Variants in SV2C observed in about 807,000 individuals in gnomAD.
SV2C encodes solute carrier family 22 member B3.
In SV2C, 49 loss-of-function variants were observed where a neutral mutation model predicts 79.7. The observed-to-expected ratio is 0.61, with a 90% CI of 0.49 to 0.78. SV2C has a LOEUF of 0.78. SV2C is among the 30% of genes least tolerant of loss of function. The pLI, the probability that SV2C is intolerant of heterozygous loss-of-function variation, is 0.00. For missense variants in SV2C, 833 were observed against 912.9 expected (o/e 0.91, Z 1.13); for synonymous variants, 334 against 333.2 (o/e 1.00, Z -0.03).
chr5:76,192,113 A>T (rs1033544109), intron 2 of SV2C, among the ~76,000 whole-genome samples: 5 of 152,152 alleles, frequency 3.3e-5, no homozygotes, highest in South Asian at 2.1e-4. Flanking sequence ...ACATGTATTT[A>T]AAAAAATACA....
chr5:75,885,835 C>A, the SV2C span, among the ~76,000 whole-genome samples: 1 of 152,080 alleles, frequency 6.6e-6, no homozygotes, highest in African/African-American at 2.4e-5. Flanking sequence ...TAAGCAGACT[C>A]CAAGAAGGAG....
At chr5:75,863,190 C>T in the SV2C span, among the ~76,000 whole-genome samples, 1 of 152,160 alleles carries the variant, frequency 6.6e-6, no homozygotes, top group Admixed American at 6.5e-5. Flanking sequence ...TTCATGCTAC[C>T]AAGGTGATGT....
intron 4 of SV2C, among the ~76,000 whole-genome samples, chr5:76,283,461 GC>G (rs558995098): frequency 1.4e-3 from 212 of 152,222 alleles, no homozygotes; most frequent in African/African-American, 4.8e-3. Flanking sequence ...GCCACCTAAA[GC>G]TTTTATTTTT....
intron 1 of SV2C, among the ~76,000 whole-genome samples, chr5:76,119,809 T>C (rs950298018): frequency 2.0e-5 from 3 of 152,202 alleles, no homozygotes; most frequent in African/African-American, 7.2e-5. Context: ...ATTGAAGAGC[T>C]GTTCTGAATT....
chr5:75,877,498 T>C, the SV2C span, among the ~76,000 whole-genome samples: 1 of 151,912 alleles, frequency 6.6e-6, no homozygotes, highest in East Asian at 1.9e-4. Context: ...CTCCAGGATA[T>C]GCCATATGTT....
At chr5:76,088,218 G>A (rs1747260563) in intron 1 of SV2C, among the ~76,000 whole-genome samples, 1 of 152,158 alleles carries the variant, frequency 6.6e-6, no homozygotes, top group South Asian at 2.1e-4. Flanking sequence ...TTAATACAGT[G>A]TGCTTTTCCT....
At chr5:76,291,071 G>T (rs1320517422) in intron 6 of SV2C, 150 bp from the exon 7 acceptor site, 3 of 480,574 alleles carry the variant, frequency 6.2e-6, no homozygotes, top group East Asian at 7.1e-5. Flanking sequence ...TATACTTATG[G>T]CAGTGGTCTC....
intron 2 of SV2C, among the ~76,000 whole-genome samples, chr5:76,173,197 C>T (rs1194608647): frequency 6.7e-6 from 1 of 148,980 alleles, no homozygotes; most frequent in Non-Finnish European, 1.5e-5. Context: ...GCGAAGTTAT[C>T]TGGAGTAGTC....
At chr5:76,153,858 A>G (rs4235694) in intron 2 of SV2C, among the ~76,000 whole-genome samples, 152,255 of 152,330 alleles carry the variant, frequency 1, 76,091 homozygotes, top group Non-Finnish European at 1. Flanking sequence ...TCAGTTAGGA[A>G]TTTACCACTC....
downstream of SV2C, among the ~76,000 whole-genome samples, chr5:76,337,441 G>A (rs200769132): frequency 1.3e-5 from 2 of 152,268 alleles, no homozygotes; most frequent in East Asian, 3.9e-4. Flanking sequence ...GGCACTGCGG[G>A]GTTGGGACTT....
the SV2C span, among the ~76,000 whole-genome samples, chr5:75,933,872 C>T: frequency 2.6e-5 from 4 of 152,214 alleles, no homozygotes; most frequent in Admixed American, 2.6e-4. Context: ...AGGAAAGGCT[C>T]CTCGTTCCCC....
At chr5:75,992,278 T>C in the SV2C span, among the ~76,000 whole-genome samples, 1 of 151,962 alleles carries the variant, frequency 6.6e-6, no homozygotes, top group Non-Finnish European at 1.5e-5. Flanking sequence ...GGAAGCAGGA[T>C]AAGCCTTTTT....
intron 4 of SV2C, among the ~76,000 whole-genome samples, chr5:76,265,019 A>G (rs1477826862): frequency 6.6e-6 from 1 of 152,244 alleles, no homozygotes; most frequent in African/African-American, 2.4e-5. Flanking sequence ...GCAGGAAGGC[A>G]GGAACATTTA....
intron 2 of SV2C, among the ~76,000 whole-genome samples, chr5:76,151,384 G>A (rs191941765): frequency 1.3e-5 from 2 of 152,300 alleles, no homozygotes; most frequent in Admixed American, 1.3e-4. Flanking sequence ...GTGCCAATGG[G>A]GAGTGGTTGA....
chr5:76,026,197 TACAA>T, the SV2C span, among the ~76,000 whole-genome samples: 2 of 64,458 alleles, frequency 3.1e-5, no homozygotes, highest in Admixed American at 3.8e-4. Flanking sequence ...CTGGCAAATT[TACAA>T]ACACACACAC....
At chr5:76,154,448 A>G (rs2112236158) in intron 2 of SV2C, among the ~76,000 whole-genome samples, 1 of 152,326 alleles carries the variant, frequency 6.6e-6, no homozygotes, top group Non-Finnish European at 1.5e-5. Context: ...GGATTTCCCT[A>G]GAGGAAATTT....
the SV2C span, among the ~76,000 whole-genome samples, chr5:76,030,266 G>GGTTTTTTTTTTTTTTTTTTTTTTTT: frequency 3.1e-5 from 1 of 31,980 alleles, no homozygotes; most frequent in Non-Finnish European, 5.7e-5. Context: ...TCAGAGGCTT[G>GGTTTTTTTTTTTTTTTTTTTTTTTT]TTTTTTTTTT....
chr5:76,169,449 A>G (rs1053468027), intron 2 of SV2C, among the ~76,000 whole-genome samples: 8 of 152,316 alleles, frequency 5.3e-5, no homozygotes, highest in African/African-American at 1.9e-4. Flanking sequence ...GGTATTACAA[A>G]GGCATAAGTA....
intron 12 of SV2C, among the ~76,000 whole-genome samples, chr5:76,340,928 T>TTTC (rs1232339871): frequency 6.8e-6 from 1 of 147,606 alleles, no homozygotes; most frequent in Non-Finnish European, 1.5e-5. Context: ...TACAAAATTT[T>TTTC]TTTTTTTTTT....
Sources: gnomAD v4.1 joint callset for allele counts (sites outside exome capture counted in the v4.1 genomes callset) on GRCh38, gnomAD v4.1.1 for gene constraint, MANE v1.5 for transcripts, NCBI Gene and HGNC (gene_info 2026-07-23, HGNC 2026-07-21) for gene names.